The following INTS11 variants were observed in gnomAD, a reference collection of about 807,000 sequenced individuals.
INTS11 encodes integrator complex subunit 11, also known as CPSF3-like protein.
A neutral mutation model predicts 78.6 loss-of-function variants in INTS11; 77 were observed. The ratio of observed to expected loss-of-function variants is 0.98; its 90% CI spans 0.81 to 1.18. The LOEUF (loss-of-function observed/expected upper bound fraction) is 1.18, where lower values mean the gene tolerates loss of function less well. Ranked by LOEUF, INTS11 falls within the 50% of genes most tolerant of loss-of-function variation. The pLI, the probability that INTS11 is intolerant of heterozygous loss-of-function variation, is 0.00. For synonymous variants in INTS11, 441 were observed against 326.9 expected (o/e 1.35, Z -3.77); for missense variants, 875 against 825.9 (o/e 1.06, Z -0.73).
Position 1,321,956 on chromosome 1 carries a change from G to C in INTS11, c.29-863C>G, listed in dbSNP as rs1299525372. ...TGTCCAAAGCCAGCACCACACATCA[G>C]GATGACGGGGCCACAGCCGAGGGGC... On this transcript the variant is annotated intron_variant, in intron 1 of 16. Coordinates refer to ENST00000435064, the MANE Select transcript of INTS11 (RefSeq NM_017871.6). 11 of 1,175,152 alleles carry C rather than the reference G, an allele frequency of 9.4e-6. 1 individual carries two copies. Among genetic ancestry groups the C allele is most frequent in the Middle Eastern group, 2.3e-4 (1 of 4,316 alleles). The allele number at this position is 1,175,152 out of a possible 1,614,324, so 72.8% of individuals were successfully genotyped here. A position where few individuals can be genotyped will look rare whatever the true frequency, so the allele number is the denominator to read the frequency against.
At chr1:1,312,536 GGCCGCTCCCA>G in intron 13 of INTS11, 35 bp from the exon 14 acceptor site, 1 of 1,581,110 alleles carries the variant, frequency 6.3e-7, no homozygotes, top group South Asian at 1.1e-5. Context: ...TCAATGTGAG[GGCCGCTCCCA>G]GCCGCCTGCC....
At chr1:1,322,410 A>C (rs1163057069) in intron 1 of INTS11, among the ~76,000 whole-genome samples, 2 of 149,804 alleles carry the variant, frequency 1.3e-5, no homozygotes, top group Non-Finnish European at 3.0e-5. Flanking sequence ...CGGCAGACAA[A>C]CAAGACACCC....
intron 1 of INTS11, 107 bp downstream of exon 1, chr1:1,324,474 G>A: frequency 8.2e-7 from 1 of 1,219,118 alleles, no homozygotes; most frequent in Non-Finnish European, 1.1e-6. Context: ...GAGGACGCCC[G>A]CGGCGCGCAC....
intron 4 of INTS11, chr1:1,317,145 T>G (rs1476228001): frequency 6.6e-6 from 1 of 152,012 alleles, no homozygotes; most frequent in Non-Finnish European, 1.5e-5. Flanking sequence ...ATCCCAGCAC[T>G]CTGGGAGACC....
rs201564312 is a variant in INTS11, at chr1:1,313,858, G to A, written c.831C>T (p.His277=). The A allele has an allele frequency of 1.4e-5, 23 of 1,613,306 alleles. No individual in the cohort carries two copies. The highest frequency in any genetic ancestry group is 1.6e-4 in the Middle Eastern group (1 of 6,082). The part of the protein sequence containing the change: ...FSTGLTEKAN[H]YYKLFIPWTN... The stretch of plus-strand genomic sequence containing the variant: ...TCCAGGGGATGAACAGCTTGTAGTA[G>A]TGGTTGGCCTTCTCGGTCAGCCCCG... Residue 277 remains histidine (H), a synonymous_variant, in exon 9 of 17, where the codon CAC becomes CAT. Coordinates refer to ENST00000435064, the MANE Select transcript of INTS11 (RefSeq NM_017871.6).
chr1:1,312,712 G>A lies in INTS11; in HGVS notation c.1295-12C>T. On this transcript the variant is annotated splice_polypyrimidine_tract_variant and intron_variant, in intron 12 of 16. Transcript: ENST00000435064. Reference sequence around the variant, plus strand: ...GTAGCAGTTGACCCCTGGACCCCGGGGGAAGAGAGAGCCTCAGCCCAGGCT... The same window carrying A: ...GTAGCAGTTGACCCCTGGACCCCGGAGGAAGAGAGAGCCTCAGCCCAGGCT... 3.1e-6 allele frequency: 5 copies of A among 1,590,686 alleles called. No homozygotes were observed. The Admixed American group carries it at 5.1e-5, about 16-fold the overall frequency.
chr1:1,315,585 C>T lies in INTS11; in HGVS notation c.463G>A (p.Ala155Thr), dbSNP rs1642529557. 1.2e-6 allele frequency: 2 copies of T among 1,611,214 alleles called. No individual in the cohort carries two copies. The highest frequency in any genetic ancestry group is 1.7e-5 in the Admixed American group (1 of 59,704). Residue 155 changes from alanine (A) to threonine (T), a missense_variant, in exon 5 of 17, where the codon GCA becomes ACA. Physicochemically the swap from Ala to Thr is moderately conservative, Grantham distance 58. Coordinates refer to ENST00000435064, the MANE Select transcript of INTS11 (RefSeq NM_017871.6). ...ATGGCTGCCCCCAGCACGTGGCCTG[C>T]ATAGTAGGCCTTGATCTCCAGCTCA... ...DDELEIKAYY[A>T]GHVLGAAMFQ... is the part of the protein sequence containing the mutation.
chr1:1,323,029 T>G (rs2100644468), intron 1 of INTS11: 1 of 1,412,824 alleles, frequency 7.1e-7, no homozygotes, highest in South Asian at 1.6e-5. Context: ...AGGGGCAGGC[T>G]GGGAGGACCC....
chr1:1,322,318 G>A (rs911216671), intron 1 of INTS11, among the ~76,000 whole-genome samples: 3 of 151,538 alleles, frequency 2.0e-5, no homozygotes, highest in African/African-American at 7.3e-5. Flanking sequence ...AAGTGGAAAG[G>A]TGCGGGAATA....
At position 1,315,410 on chromosome 1, in the gene INTS11, T is replaced by G. The variant is rs1642518129; in HGVS notation, c.557A>C (p.His186Pro). ...GACACCTCAGCCTACTTACCCTAAG[T>G]GTCGGTCTGGGGTCATGTTATAATC... ...TGDYNMTPDR[H>P]LGAAWIDKCR... is the part of the protein sequence containing the mutation. The change falls in exon 6 of 17, where the codon CAC becomes CCC. Residue 186 changes from histidine (H) to proline (P), a missense_variant. Transcript: ENST00000435064. The G allele has an allele frequency of 6.2e-7, 1 of 1,613,198 alleles. No individual in the cohort carries two copies. The highest frequency in any genetic ancestry group is 8.5e-7 in the Non-Finnish European group (1 of 1,179,940).
At position 1,324,442 on chromosome 1, in the gene INTS11, G is replaced by A. The variant is rs187588533; in HGVS notation, c.28+139C>T. ...TAGGCCGCCTCTCGGCTCCCACCAG[G>A]GCCCGCGCGGGGAGGAGACCGGAGG... is the stretch of plus-strand genomic sequence containing the variant. On this transcript the variant is annotated intron_variant, in intron 1 of 16. Transcript: ENST00000435064. The A allele has an allele frequency of 1.2e-5, 10 of 840,304 alleles. No homozygotes were observed. The African/African-American group carries it at 1.6e-4, about 14-fold the overall frequency. 52.1% of individuals were successfully genotyped at this position (840,304 alleles called of 1,614,324 possible).
At chr1:1,315,195 T>C (rs1642504604) in intron 6 of INTS11, 1 of 730,026 alleles carries the variant, frequency 1.4e-6, no homozygotes, top group East Asian at 2.7e-5. Flanking sequence ...ACCCAGAGAC[T>C]TGGGAAGAGA....
intron 1 of INTS11, among the ~76,000 whole-genome samples, chr1:1,324,189 A>ACTGGAGGGCTGGGGGGCTGAGG (rs1569597402): frequency 3.4e-5 from 1 of 29,558 alleles, no homozygotes. Context: ...GGAGGCTGAG[A>ACTGGAGGGCTGGGGGGCTGAGG]GGCTGGGGAG....
chr1:1,315,618 C>A lies in INTS11; in HGVS notation c.430G>T (p.Val144Leu), dbSNP rs776024353. The change falls in exon 5 of 17, where the codon GTA becomes TTA. Residue 144 changes from valine to leucine, a missense_variant and splice_region_variant. Physicochemically the swap from Val to Leu is conservative, Grantham distance 32. Coordinates refer to ENST00000435064, the MANE Select transcript of INTS11 (RefSeq NM_017871.6). ...VAVHLHQTVQ[V>L]DDELEIKAYY... ...GCCTTGATCTCCAGCTCATCATCTACCTGTGGAGGACAGGGCTGCGCTCAG... is the reference window on the plus strand; with the variant it reads ...GCCTTGATCTCCAGCTCATCATCTAACTGTGGAGGACAGGGCTGCGCTCAG... The A allele has an allele frequency of 6.2e-7, 1 of 1,608,666 alleles. No homozygotes were observed. The highest frequency in any genetic ancestry group is 2.2e-5 in the East Asian group (1 of 44,750).
chr1:1,311,823 A>G lies in INTS11; in HGVS notation c.*36T>C. 5 of 1,526,532 alleles carry G rather than the reference A, an allele frequency of 3.3e-6. No individual in the cohort carries two copies. Among genetic ancestry groups the G allele is most frequent in the Admixed American group, 2.1e-5 (1 of 47,852 alleles). 94.6% of individuals were successfully genotyped at this position (1,526,532 alleles called of 1,614,324 possible). ...CAGGCCCAGGGTCTGTCCAGCTGGG[A>G]GAGGGCAGAGGTGGCGGCTGGGTGA... On this transcript the variant is annotated 3_prime_UTR_variant, in exon 17 of 17. Coordinates refer to ENST00000435064, the MANE Select transcript of INTS11 (RefSeq NM_017871.6).
chr1:1,319,360 G>A lies in INTS11; in HGVS notation c.365C>T (p.Thr122Ile). The A allele has an allele frequency of 1.2e-6, 2 of 1,613,394 alleles. No individual in the cohort carries two copies. The highest frequency in any genetic ancestry group is 1.7e-6 in the Non-Finnish European group (2 of 1,180,020). ...VDKKGEANFF[T>I]SQMIKDCMKK... ...CATGCAGTCTTTGATCATCTGGGAG[G>A]TGAAGAAGTTGGCCTCGCCCTTCTT... The change falls in exon 4 of 17, where the codon ACC becomes ATC. Residue 122 changes from threonine to isoleucine, a missense_variant. Thr to Ile is a moderately conservative substitution (Grantham distance 89). Coordinates refer to ENST00000435064, the MANE Select transcript of INTS11 (RefSeq NM_017871.6).
chr1:1,322,275 TC>T (rs1442442102), intron 1 of INTS11, among the ~76,000 whole-genome samples: 1 of 151,004 alleles, frequency 6.6e-6, no homozygotes, highest in Non-Finnish European at 1.5e-5. Flanking sequence ...CAGTCCCGCC[TC>T]CCGACAGGAC....
intron 3 of INTS11, chr1:1,320,073 C>T (rs1166648463): frequency 1.3e-5 from 3 of 231,972 alleles, no homozygotes; most frequent in African/African-American, 4.6e-5. Context: ...GTGCTGTGGC[C>T]GTCCAGACGA....
chr1:1,315,590 T>G lies in INTS11; in HGVS notation c.458A>C (p.Tyr153Ser). 6.2e-7 allele frequency: 1 copy of G among 1,610,972 alleles called. No individual in the cohort carries two copies. Among genetic ancestry groups the G allele is most frequent in the Non-Finnish European group, 8.5e-7 (1 of 1,179,204 alleles). ...QVDDELEIKA[Y>S]YAGHVLGAAM... is the part of the protein sequence containing the mutation. ...TGCCCCCAGCACGTGGCCTGCATAG[T>G]AGGCCTTGATCTCCAGCTCATCATC... Residue 153 changes from tyrosine (Y) to serine (S), a missense_variant, in exon 5 of 17, where the codon TAC becomes TCC. Tyr to Ser is a moderately radical substitution (Grantham distance 144). Transcript: ENST00000435064.
Sources: gnomAD v4.1 joint callset for allele counts (sites outside exome capture counted in the v4.1 genomes callset) on GRCh38, gnomAD v4.1.1 for gene constraint, MANE v1.5 for transcripts, NCBI Gene and HGNC (gene_info 2026-07-23, HGNC 2026-07-21) for gene names.